The following TPRG1 variants were observed in gnomAD, a reference collection of about 807,000 sequenced individuals.
TPRG1 encodes tumor protein p63-regulated gene 1 protein.
TPRG1 carries 29 observed loss-of-function variants against 29.3 expected under a neutral mutation model. The observed-to-expected ratio is 0.99, with a 90% CI of 0.74 to 1.35. The LOEUF (loss-of-function observed/expected upper bound fraction) is 1.35. Ranked by LOEUF, TPRG1 falls within the 40% of genes most tolerant of loss-of-function variation. TPRG1 has a pLI of 0.00. For missense variants in TPRG1, 327 were observed against 335.0 expected, an observed-to-expected ratio of 0.98 and a Z score of 0.19; for synonymous variants, 130 against 116.8, an observed-to-expected ratio of 1.11 and a Z score of -0.73.
At chr3:189,158,215 T>C (rs1726958391) in intron 5 of TPRG1, among the ~76,000 whole-genome samples, 1 of 152,232 alleles carries the variant, frequency 6.6e-6, no homozygotes, top group Non-Finnish European at 1.5e-5. Context: ...CCTGTTTCAC[T>C]TACTTAGTGC....
At chr3:189,136,002 TATA>T (rs1723704941) in intron 3 of TPRG1, among the ~76,000 whole-genome samples, 1 of 152,212 alleles carries the variant, frequency 6.6e-6, no homozygotes, top group Non-Finnish European at 1.5e-5. Flanking sequence ...TTGAATCTAT[TATA>T]ATATCTAAAT....
chr3:189,127,493 G>A (rs566736353), intron 2 of TPRG1, among the ~76,000 whole-genome samples: 5 of 152,272 alleles, frequency 3.3e-5, no homozygotes, highest in African/African-American at 1.2e-4. Flanking sequence ...AGTGGTCAAT[G>A]GGCCTCTCAA....
chr3:189,182,146 A>G (rs1389175619), intron 1 of TPRG1, among the ~76,000 whole-genome samples: 1 of 152,240 alleles, frequency 6.6e-6, no homozygotes, highest in Admixed American at 6.5e-5. Flanking sequence ...GGAGACACAG[A>G]CAAACCATGT....
chr3:189,255,821 A>G (rs1251963137), intron 4 of TPRG1, among the ~76,000 whole-genome samples: 1 of 152,128 alleles, frequency 6.6e-6, no homozygotes, highest in Non-Finnish European at 1.5e-5. Flanking sequence ...AGACGTGTTC[A>G]TAGTATTCTC....
chr3:189,071,859 G>A (rs140488285), intron 4 of TPRG1, among the ~76,000 whole-genome samples: 2 of 152,288 alleles, frequency 1.3e-5, no homozygotes, highest in African/African-American at 4.8e-5. Flanking sequence ...ATGGAGCTTT[G>A]GTTCCCACAA....
chr3:189,071,025 A>G (rs764972847), intron 4 of TPRG1, among the ~76,000 whole-genome samples: 70 of 151,716 alleles, frequency 4.6e-4, no homozygotes, highest in Non-Finnish European at 8.1e-4. Context: ...TACTTACCCC[A>G]GGAATTGCCT....
At chr3:189,003,149 G>T (rs1337719699) in intron 2 of TPRG1, among the ~76,000 whole-genome samples, 1 of 152,092 alleles carries the variant, frequency 6.6e-6, no homozygotes, top group Non-Finnish European at 1.5e-5. Context: ...GATTGTGTTT[G>T]GGTACTACTT....
intron 4 of TPRG1, among the ~76,000 whole-genome samples, chr3:189,093,898 TAG>T (rs1161105232): frequency 6.6e-6 from 1 of 152,208 alleles, no homozygotes; most frequent in Non-Finnish European, 1.5e-5. Flanking sequence ...TAATTAGGGT[TAG>T]ATAATATTAT....
At chr3:189,075,752 C>T (rs1717131810) in intron 4 of TPRG1, among the ~76,000 whole-genome samples, 3 of 152,180 alleles carry the variant, frequency 2.0e-5, no homozygotes, top group African/African-American at 7.2e-5. Context: ...TTCCCATCAA[C>T]TGTATCTTCA....
At chr3:189,090,185 A>C (rs996027342) in intron 4 of TPRG1, among the ~76,000 whole-genome samples, 4 of 152,068 alleles carry the variant, frequency 2.6e-5, no homozygotes, top group African/African-American at 4.8e-5. Context: ...ACATCCCCCA[A>C]ATTTTGACGC....
chr3:189,119,973 G>A (rs1721639560), intron 1 of TPRG1, among the ~76,000 whole-genome samples: 2 of 152,196 alleles, frequency 1.3e-5, no homozygotes, highest in Admixed American at 6.5e-5. Flanking sequence ...GGGGATGGCA[G>A]TGGCATCTAG....
intron 4 of TPRG1, among the ~76,000 whole-genome samples, chr3:189,088,153 T>C (rs1408973629): frequency 6.6e-6 from 1 of 152,238 alleles, no homozygotes; most frequent in African/African-American, 2.4e-5. Flanking sequence ...TATTCTTCCA[T>C]TTGTTTGTTT....
chr3:189,102,408 T>C (rs1719312810), intron 1 of TPRG1, among the ~76,000 whole-genome samples: 1 of 152,238 alleles, frequency 6.6e-6, no homozygotes, highest in Non-Finnish European at 1.5e-5. Flanking sequence ...GCATTCACCA[T>C]GCCTCACATG....
At chr3:189,191,891 G>C (rs1731751414) in intron 1 of TPRG1, among the ~76,000 whole-genome samples, 1 of 152,102 alleles carries the variant, frequency 6.6e-6, no homozygotes, top group Non-Finnish European at 1.5e-5. Flanking sequence ...TACTTCTCAG[G>C]ATGGTTTCAG....
intron 1 of TPRG1, among the ~76,000 whole-genome samples, chr3:189,126,104 TG>T (rs1365511712): frequency 3.9e-5 from 6 of 152,076 alleles, no homozygotes; most frequent in African/African-American, 1.4e-4. Flanking sequence ...ATAAAAATCC[TG>T]GAAGTGGGAC....
intron 4 of TPRG1, among the ~76,000 whole-genome samples, chr3:189,281,538 G>A (rs761218681): frequency 6.8e-4 from 103 of 152,318 alleles, no homozygotes; most frequent in African/African-American, 2.2e-3. Flanking sequence ...TATCGTGGAT[G>A]CATATGTGTG....
intron 3 of TPRG1, among the ~76,000 whole-genome samples, chr3:189,230,166 G>A (rs6790145): frequency 0.27 from 41,169 of 151,944 alleles, 5,917 homozygotes; most frequent in South Asian, 0.48. Flanking sequence ...GGATGGGGGC[G>A]TGCCCAGATT....
intron 3 of TPRG1, among the ~76,000 whole-genome samples, chr3:189,231,114 A>G (rs1027363721): frequency 6.6e-6 from 1 of 152,168 alleles, no homozygotes; most frequent in African/African-American, 2.4e-5. Flanking sequence ...GGAACTTTAC[A>G]TATAATGCAT....
chr3:189,035,467 C>A (rs745771555), intron 4 of TPRG1, among the ~76,000 whole-genome samples: 12 of 152,066 alleles, frequency 7.9e-5, no homozygotes, highest in Non-Finnish European at 1.3e-4. Flanking sequence ...CTTCTTTCTG[C>A]ACAGCAAAAT....
Sources: gnomAD v4.1 joint callset for allele counts (sites outside exome capture counted in the v4.1 genomes callset) on GRCh38, gnomAD v4.1.1 for gene constraint, MANE v1.5 for transcripts, NCBI Gene and HGNC (gene_info 2026-07-23, HGNC 2026-07-21) for gene names.